Variants in NPAS2 observed in about 807,000 individuals in gnomAD.
The protein encoded by NPAS2 is neuronal PAS domain protein 2.
NPAS2 carries 23 observed loss-of-function variants against 107.5 expected under a neutral mutation model. The observed-to-expected ratio is 0.21, with a 90% CI of 0.15 to 0.30. NPAS2 has a LOEUF of 0.30. Ranked by LOEUF, NPAS2 falls within the 10% of genes least tolerant of loss-of-function variation. The pLI is 1.00. For synonymous variants in NPAS2, 403 were observed against 417.5 expected (o/e 0.97, Z 0.42); for missense variants, 756 against 1,043.3 (o/e 0.72, Z 3.79).
chr2:100,989,848 G>T, intron 17 of NPAS2: 1 of 177,574 alleles, frequency 5.6e-6, no homozygotes, highest in Non-Finnish European at 1.2e-5. Flanking sequence ...TAATATTTGA[G>T]TCAAGACCTG....
chr2:100,933,964 A>G (rs1684149114), intron 4 of NPAS2: 1 of 152,244 alleles, frequency 6.6e-6, no homozygotes, highest in African/African-American at 2.4e-5. Flanking sequence ...AGACTGATGT[A>G]AACTTCAATT....
chr2:100,956,200 C>T (rs893541650), intron 7 of NPAS2, among the ~76,000 whole-genome samples: 4 of 152,190 alleles, frequency 2.6e-5, no homozygotes, highest in East Asian at 1.9e-4. Flanking sequence ...GCCACGCACC[C>T]GGCTTAACTT....
Position 100,944,755 on chromosome 2 carries a change from C to T in NPAS2, c.364-3480C>T, listed in dbSNP as rs149326702. ...GTTAATTCACCATCCTCGCAACCTC[C>T]CACATATCATACCTGCCCCTACTTG... On this transcript the variant is annotated intron_variant, in intron 5 of 20. Coordinates refer to ENST00000335681, the MANE Select transcript of NPAS2 (RefSeq NM_002518.4). 7.3e-4 allele frequency among the ~76,000 whole-genome samples: 111 copies of T among 152,258 alleles called. 1 individual carries two copies. In the East Asian group the frequency reaches 0.02, roughly 27 times the overall value.
At chr2:100,948,953 A>G (rs1248205809) in intron 6 of NPAS2, among the ~76,000 whole-genome samples, 1 of 152,232 alleles carries the variant, frequency 6.6e-6, no homozygotes, top group African/African-American at 2.4e-5. Flanking sequence ...GCATCAGTGC[A>G]AGCCTGTGTC....
intron 1 of NPAS2, among the ~76,000 whole-genome samples, chr2:100,861,799 G>A (rs1429537508): frequency 4.6e-5 from 7 of 152,170 alleles, no homozygotes; most frequent in African/African-American, 1.4e-4. Flanking sequence ...AGATATGAAA[G>A]CCTTTGGGCA....
intron 16 of NPAS2, chr2:100,984,284 A>G (rs191725657): frequency 6.6e-6 from 1 of 152,342 alleles, no homozygotes; most frequent in African/African-American, 2.4e-5. Flanking sequence ...TTAAAGAAAT[A>G]TGTTCCAAAA....
intron 4 of NPAS2, among the ~76,000 whole-genome samples, chr2:100,936,439 C>T (rs11895676): frequency 0.02 from 3,048 of 152,142 alleles, 83 homozygotes; most frequent in African/African-American, 0.06. Context: ...GTCAGTGAAC[C>T]GACAGTGACA....
At chr2:100,878,583 A>G in intron 1 of NPAS2, 2 of 985,460 alleles carry the variant, frequency 2.0e-6, no homozygotes, top group Non-Finnish European at 2.4e-6. Context: ...TGTGTGGTAC[A>G]TTAAGTTCAG....
intron 1 of NPAS2, among the ~76,000 whole-genome samples, chr2:100,904,413 G>C (rs1681999182): frequency 6.6e-6 from 1 of 152,194 alleles, no homozygotes; most frequent in Non-Finnish European, 1.5e-5. Context: ...TTTTAAAAGA[G>C]CTCTCCTTGT....
intron 4 of NPAS2, 92 bp downstream of exon 4, chr2:100,933,093 G>C: frequency 1.1e-6 from 1 of 916,786 alleles, no homozygotes; most frequent in Non-Finnish European, 1.8e-6. Context: ...GGAAACTACT[G>C]TTCTTGATCC....
chr2:100,869,108 T>TC (rs1679414175), intron 1 of NPAS2, among the ~76,000 whole-genome samples: 1 of 151,544 alleles, frequency 6.6e-6, no homozygotes, highest in African/African-American at 2.4e-5. Flanking sequence ...TTTGTATTTT[T>TC]TTTTTTTTGC....
At chr2:100,992,312 G>A (rs1678182112) in intron 19 of NPAS2, among the ~76,000 whole-genome samples, 1 of 152,230 alleles carries the variant, frequency 6.6e-6, no homozygotes, top group South Asian at 2.1e-4. Context: ...CTACTCAGGA[G>A]GCTGAGGCAG....
intron 1 of NPAS2, among the ~76,000 whole-genome samples, chr2:100,872,900 A>C (rs1033711311): frequency 3.3e-5 from 5 of 152,170 alleles, no homozygotes; most frequent in African/African-American, 9.7e-5. Flanking sequence ...TCTGGAGCAG[A>C]GACTGGTGTC....
In NPAS2 at chr2:100,960,800, C is replaced by T. The variant is rs117507396; in HGVS notation, c.599-3258C>T. 1.4e-3 allele frequency among the ~76,000 whole-genome samples: 212 copies of T among 152,124 alleles called. 5 individuals are homozygous for T. In the East Asian group the frequency reaches 0.033, roughly 23 times the overall value. On this transcript the variant is annotated intron_variant, in intron 7 of 20. Coordinates refer to ENST00000335681, the MANE Select transcript of NPAS2 (RefSeq NM_002518.4). Reference sequence around the variant, plus strand: ...TGGCAAGGATGAGATGGTGTCTTCCCGAACTGGACCTTAAGCTAGGATTTG... The same window carrying T: ...TGGCAAGGATGAGATGGTGTCTTCCTGAACTGGACCTTAAGCTAGGATTTG...
In NPAS2 at chr2:100,965,202, C is replaced by T. The variant is rs987650417; in HGVS notation, c.800+259C>T. ...GATGATCCTCACTTGAGGCCCTTCC[C>T]GGCTCCCAGTAAGGCAGCAGCAAGT... On this transcript the variant is annotated intron_variant, in intron 9 of 20. Transcript: ENST00000335681. This position sits in a 1 kb window ranked among gnomAD's most constrained non-coding sequence, Gnocchi z 4.3. Among the ~76,000 whole-genome samples the T allele has an allele frequency of 1.4e-4, 22 of 152,206 alleles. No homozygotes were observed. The highest frequency in any genetic ancestry group is 3.9e-4 in the African/African-American group (16 of 41,462).
At chr2:100,992,559 G>C (rs552583740) in intron 19 of NPAS2, among the ~76,000 whole-genome samples, 1 of 152,126 alleles carries the variant, frequency 6.6e-6, no homozygotes, top group Non-Finnish European at 1.5e-5. Flanking sequence ...CCTCCCCCTC[G>C]TTCTCGATCT....
intron 1 of NPAS2, among the ~76,000 whole-genome samples, chr2:100,843,315 C>CT (rs1677566227): frequency 6.6e-6 from 1 of 152,110 alleles, no homozygotes; most frequent in Non-Finnish European, 1.5e-5. Flanking sequence ...AGTCCAAAGT[C>CT]TCTGCTTTGC....
chr2:100,841,964 A>G (rs962044407), intron 1 of NPAS2, among the ~76,000 whole-genome samples: 3 of 152,206 alleles, frequency 2.0e-5, no homozygotes, highest in Non-Finnish European at 4.4e-5. Context: ...ATACACAAGC[A>G]TGCACAGCAT....
intron 7 of NPAS2, among the ~76,000 whole-genome samples, chr2:100,952,971 G>C (rs1360871002): frequency 3.3e-5 from 5 of 151,482 alleles, no homozygotes; most frequent in African/African-American, 4.9e-5. Context: ...CAGCATTGAA[G>C]AGGCTTTCTT....
Sources: gnomAD v4.1 joint callset for allele counts (sites outside exome capture counted in the v4.1 genomes callset) on GRCh38, gnomAD v4.1.1 for gene constraint, Gnocchi (gnomAD v3.1) non-coding constraint, MANE v1.5 for transcripts, NCBI Gene and HGNC (gene_info 2026-07-23, HGNC 2026-07-21) for gene names.